The following ELP4 variants were observed in gnomAD, a reference collection of about 807,000 sequenced individuals.
The protein encoded by ELP4 is elongator complex protein 4.
In ELP4, 51 loss-of-function variants were observed where a neutral mutation model predicts 48.9. The ratio of observed to expected loss-of-function variants is 1.04; its 90% CI spans 0.83 to 1.32. The LOEUF (loss-of-function observed/expected upper bound fraction) is 1.32. Among genes scored for constraint, ELP4 ranks in the 40% most tolerant of loss-of-function variants. ELP4 has a pLI of 0.00. For synonymous variants in ELP4, 210 were observed against 189.2 expected (o/e 1.11, Z -0.90); for missense variants, 519 against 514.6 (o/e 1.01, Z -0.08).
intron 9 of ELP4, among the ~76,000 whole-genome samples, chr11:31,655,541 T>C (rs1418412051): frequency 6.6e-6 from 1 of 152,022 alleles, no homozygotes; most frequent in Non-Finnish European, 1.5e-5. Flanking sequence ...TTGCCAGGTA[T>C]GATGGTCAGA....
At chr11:31,589,276 A>C (rs775181801) in intron 3 of ELP4, among the ~76,000 whole-genome samples, 1 of 152,206 alleles carries the variant, frequency 6.6e-6, no homozygotes, top group Non-Finnish European at 1.5e-5. Flanking sequence ...ATACATTACC[A>C]TATAGTCCCT....
chr11:31,514,520 G>T (rs1400810409), intron 1 of ELP4, among the ~76,000 whole-genome samples: 1 of 152,152 alleles, frequency 6.6e-6, no homozygotes, highest in Non-Finnish European at 1.5e-5. Context: ...TTCTAAGTTA[G>T]GATGAAAGGG....
chr11:31,670,708 C>G (rs908716567), intron 9 of ELP4, among the ~76,000 whole-genome samples: 1 of 152,006 alleles, frequency 6.6e-6, no homozygotes, highest in East Asian at 1.9e-4. Flanking sequence ...CCCACAGTGT[C>G]AAAAGTCATG....
At chr11:31,558,444 T>C (rs1956962802) in intron 3 of ELP4, among the ~76,000 whole-genome samples, 1 of 152,188 alleles carries the variant, frequency 6.6e-6, no homozygotes, top group South Asian at 2.1e-4. Flanking sequence ...TAAACACATT[T>C]AGCATTGATG....
intron 1 of ELP4, among the ~76,000 whole-genome samples, 180 bp downstream of exon 1, chr11:31,510,187 T>G (rs1435564764): frequency 6.6e-6 from 1 of 152,210 alleles, no homozygotes. Context: ...CTGAGCGCTG[T>G]TAACTAAACA....
At chr11:31,667,718 A>G (rs1032234126) in intron 9 of ELP4, among the ~76,000 whole-genome samples, 7 of 152,158 alleles carry the variant, frequency 4.6e-5, no homozygotes, top group Admixed American at 4.6e-4. Flanking sequence ...TAATCTAGTG[A>G]CATGTATTTC....
intron 2 of ELP4, among the ~76,000 whole-genome samples, chr11:31,525,116 C>T (rs1956277681): frequency 6.6e-6 from 1 of 152,118 alleles, no homozygotes; most frequent in African/African-American, 2.4e-5. Context: ...TCTTTTGTGC[C>T]ACAAGTACAG....
intron 2 of ELP4, among the ~76,000 whole-genome samples, chr11:31,539,401 C>T (rs980355470): frequency 6.6e-6 from 1 of 152,008 alleles, no homozygotes; most frequent in Non-Finnish European, 1.5e-5. Context: ...TGCAGTGAGC[C>T]GAGATTGCGC....
In ELP4 at chr11:31,632,318, C is replaced by T; in HGVS notation, c.840C>T (p.Ser280=). The change falls in exon 7 of 10, where the codon AGC becomes AGT. Residue 280 remains serine, a synonymous_variant. Coordinates refer to ENST00000640961, the MANE Select transcript of ELP4 (RefSeq NM_019040.5). ...CAGAAAATGGTGGCAACAGTCACAGCCTTACCAAGTTCCTCTATGTTCTCC... is the reference window on the plus strand; with the variant it reads ...CAGAAAATGGTGGCAACAGTCACAGTCTTACCAAGTTCCTCTATGTTCTCC... ...CCAENGGNSH[S]LTKFLYVLRG... 1 of 1,613,368 alleles carries T rather than the reference C, an allele frequency of 6.2e-7. No individual in the cohort carries two copies. Among genetic ancestry groups the T allele is most frequent in the Non-Finnish European group, 8.5e-7 (1 of 1,179,620 alleles).
chr11:31,534,155 T>A (rs1452289335), intron 2 of ELP4, among the ~76,000 whole-genome samples: 3 of 152,100 alleles, frequency 2.0e-5, no homozygotes, highest in Non-Finnish European at 4.4e-5. Flanking sequence ...TTGTTAGTAG[T>A]ATGACTCGTG....
At chr11:31,660,734 A>G (rs1170117030) in intron 9 of ELP4, among the ~76,000 whole-genome samples, 1 of 152,118 alleles carries the variant, frequency 6.6e-6, no homozygotes, top group Non-Finnish European at 1.5e-5. Context: ...CCATAAAACT[A>G]GCATGTTTCA....
chr11:31,733,502 G>C (rs1947240987), intron 9 of ELP4, among the ~76,000 whole-genome samples: 1 of 148,678 alleles, frequency 6.7e-6, no homozygotes, highest in South Asian at 2.1e-4. Context: ...AAAAGGAAAG[G>C]AAAAGAAATG....
intron 9 of ELP4, among the ~76,000 whole-genome samples, chr11:31,712,004 C>T (rs1399898498): frequency 6.6e-6 from 1 of 151,918 alleles, no homozygotes; most frequent in African/African-American, 2.4e-5. Flanking sequence ...AGCCCAATTT[C>T]TTCTAAACCA....
intron 3 of ELP4, among the ~76,000 whole-genome samples, chr11:31,590,086 A>G (rs761702048): frequency 3.3e-5 from 5 of 152,124 alleles, no homozygotes; most frequent in Non-Finnish European, 7.4e-5. Context: ...TTTATGTTTC[A>G]GTTTCCCATT....
intron 5 of ELP4, among the ~76,000 whole-genome samples, chr11:31,616,503 A>T (rs554102660): frequency 1.3e-5 from 2 of 152,244 alleles, no homozygotes; most frequent in Admixed American, 6.5e-5. Context: ...ACATTTCATA[A>T]TCTTGGATTC....
chr11:31,763,208 C>A (rs1216761447), intron 9 of ELP4, among the ~76,000 whole-genome samples: 2 of 151,964 alleles, frequency 1.3e-5, no homozygotes, highest in African/African-American at 4.8e-5. Flanking sequence ...TGAAAATATG[C>A]ATTCTTAAAA....
chr11:31,752,503 A>G (rs1349250066), intron 9 of ELP4, among the ~76,000 whole-genome samples: 1 of 152,154 alleles, frequency 6.6e-6, no homozygotes, highest in Admixed American at 6.5e-5. Flanking sequence ...GATGCTAACC[A>G]TTTTAATAAC....
chr11:31,552,761 A>G (rs1358321995), intron 3 of ELP4, among the ~76,000 whole-genome samples: 2 of 152,154 alleles, frequency 1.3e-5, no homozygotes, highest in Non-Finnish European at 2.9e-5. Context: ...TCACTCATCT[A>G]AACTCAAAAC....
intron 3 of ELP4, among the ~76,000 whole-genome samples, chr11:31,579,909 C>T (rs1957358990): frequency 6.6e-6 from 1 of 151,702 alleles, no homozygotes; most frequent in African/African-American, 2.4e-5. Context: ...CATTGTGCAC[C>T]TGTACCCTAG....
Sources: allele counts gnomAD v4.1 joint callset (sites outside exome capture counted in the v4.1 genomes callset), GRCh38; gene constraint gnomAD v4.1.1; transcripts MANE v1.5; gene names NCBI Gene and HGNC (gene_info 2026-07-23, HGNC 2026-07-21).